AJAP1: variants seen among roughly 807,000 people sequenced by gnomAD.
AJAP1 encodes adherens junctions associated protein 1, also known as adherens junction-associated protein 1.
A neutral mutation model predicts 35.0 loss-of-function variants in AJAP1; 5 were observed. The ratio of observed to expected loss-of-function variants is 0.14; its 90% CI spans 0.07 to 0.30. The LOEUF (loss-of-function observed/expected upper bound fraction) is 0.30. Ranked by LOEUF, AJAP1 falls within the 10% of genes least tolerant of loss-of-function variation. The probability of loss-of-function intolerance (pLI) is 1.00; values close to 1 mark genes in which losing one functional copy is unlikely to be tolerated. For synonymous variants in AJAP1, 284 were observed against 249.3 expected (o/e 1.14, Z -1.31); for missense variants, 586 against 571.0 (o/e 1.03, Z -0.27).
intron 1 of AJAP1, among the ~76,000 whole-genome samples, chr1:4,670,370 T>A (rs1639225752): frequency 6.6e-6 from 1 of 152,244 alleles, no homozygotes; most frequent in Non-Finnish European, 1.5e-5. Context: ...AATCTTATTC[T>A]TGGTGCCTTT....
intron 3 of AJAP1, 96 bp downstream of exon 3, chr1:4,770,036 T>G: frequency 1.8e-6 from 2 of 1,110,884 alleles, no homozygotes; most frequent in Non-Finnish European, 2.7e-6. Context: ...AAAGCCAGCC[T>G]GTTCTGCTGG....
intron 2 of AJAP1, among the ~76,000 whole-genome samples, chr1:4,765,474 A>AGAGAGACATGAGTGTAGAAG (rs1641662898): frequency 6.7e-6 from 1 of 148,502 alleles, no homozygotes; most frequent in Non-Finnish European, 1.5e-5. Context: ...GAGAGTATTG[A>AGAGAGACATGAGTGTAGAAG]GAGAGACATG....
chr1:4,695,322 C>CA (rs1639834389), intron 1 of AJAP1, among the ~76,000 whole-genome samples: 1 of 152,188 alleles, frequency 6.6e-6, no homozygotes, highest in Admixed American at 6.5e-5. Context: ...CCTTGGTGAG[C>CA]ACACTGTGTA....
At chr1:4,739,380 A>T (rs1391624133) in intron 2 of AJAP1, among the ~76,000 whole-genome samples, 2 of 152,252 alleles carry the variant, frequency 1.3e-5, no homozygotes, top group Non-Finnish European at 2.9e-5. Flanking sequence ...AGCAATGGTC[A>T]TGCGACAGGC....
chr1:4,735,421 T>C (rs1204082986), intron 2 of AJAP1, among the ~76,000 whole-genome samples: 2 of 152,154 alleles, frequency 1.3e-5, no homozygotes, highest in African/African-American at 2.4e-5. Flanking sequence ...TTTGGGACTC[T>C]CCTGGTTGAA....
intron 2 of AJAP1, among the ~76,000 whole-genome samples, chr1:4,725,786 T>A (rs988793475): frequency 5.3e-5 from 8 of 152,164 alleles, no homozygotes; most frequent in Non-Finnish European, 7.4e-5. Flanking sequence ...TTGTAGACCC[T>A]GTCTCCTCCC....
intron 2 of AJAP1, among the ~76,000 whole-genome samples, chr1:4,721,404 C>T (rs1424348152): frequency 6.6e-6 from 1 of 152,230 alleles, no homozygotes; most frequent in East Asian, 1.9e-4. Context: ...AAAGAAGATT[C>T]CTGGTCTTCT....
chr1:4,756,722 CCTT>C (rs1295833214), intron 2 of AJAP1, among the ~76,000 whole-genome samples: 1 of 152,182 alleles, frequency 6.6e-6, no homozygotes, highest in Non-Finnish European at 1.5e-5. Context: ...GTTAAGCAAA[CCTT>C]CTGAAACAAG....
At chr1:4,683,866 A>G (rs1028692412) in intron 1 of AJAP1, among the ~76,000 whole-genome samples, 2 of 152,226 alleles carry the variant, frequency 1.3e-5, no homozygotes, top group Admixed American at 1.3e-4. Context: ...TAGACGGTCA[A>G]GAAAGCCTGA....
intron 2 of AJAP1, among the ~76,000 whole-genome samples, chr1:4,768,335 T>C (rs561393358): frequency 2.1e-5 from 3 of 145,138 alleles, no homozygotes; most frequent in Non-Finnish European, 3.1e-5. Flanking sequence ...GATGCTGTTA[T>C]TCTGTGGATC....
intron 1 of AJAP1, among the ~76,000 whole-genome samples, chr1:4,674,884 T>C (rs928762562): frequency 6.6e-6 from 1 of 152,244 alleles, no homozygotes; most frequent in East Asian, 1.9e-4. Flanking sequence ...CTGCCTCTGC[T>C]CTTCCTTTTT....
intron 2 of AJAP1, among the ~76,000 whole-genome samples, chr1:4,715,215 A>C (rs1640361819): frequency 6.6e-5 from 10 of 152,244 alleles, no homozygotes; most frequent in Admixed American, 6.5e-4. Context: ...AGGCAGCAGA[A>C]GTGGTCTTGG....
At chr1:4,688,597 A>AC (rs1312324481) in intron 1 of AJAP1, among the ~76,000 whole-genome samples, 2 of 151,800 alleles carry the variant, frequency 1.3e-5, no homozygotes, top group Non-Finnish European at 2.9e-5. Context: ...ATATGGTGAA[A>AC]CCCCATCTCT....
chr1:4,772,095 T>TAAA (rs3835206), intron 3 of AJAP1, among the ~76,000 whole-genome samples, 185 bp from the exon 4 acceptor site: 96 of 147,002 alleles, frequency 6.5e-4, no homozygotes, highest in East Asian at 5.4e-3. Context: ...TTTTTTTTTT[T>TAAA]AAAAAAAAAG....
intron 1 of AJAP1, among the ~76,000 whole-genome samples, chr1:4,674,029 T>TC (rs77073053): frequency 0.027 from 2,969 of 109,216 alleles, 82 homozygotes; most frequent in African/African-American, 0.07. Flanking sequence ...GATAGGCTTA[T>TC]CCCCCCCGCC....
intron 2 of AJAP1, among the ~76,000 whole-genome samples, chr1:4,765,162 C>T (rs1641652601): frequency 6.6e-6 from 1 of 152,172 alleles, no homozygotes; most frequent in Admixed American, 6.5e-5. Flanking sequence ...GCAAGAATTC[C>T]CACACAGCCT....
At chr1:4,729,353 C>T (rs1432066772) in intron 2 of AJAP1, among the ~76,000 whole-genome samples, 2 of 152,220 alleles carry the variant, frequency 1.3e-5, no homozygotes, top group Non-Finnish European at 2.9e-5. Context: ...CCAGTGCGGG[C>T]TGCCCTGTGA....
chr1:4,718,614 C>G (rs1318038658), intron 2 of AJAP1, among the ~76,000 whole-genome samples: 1 of 151,924 alleles, frequency 6.6e-6, no homozygotes, highest in African/African-American at 2.4e-5. Flanking sequence ...TCCTAAGTAG[C>G]TGGGACTATA....
At chr1:4,694,614 A>T (rs138633610) in intron 1 of AJAP1, among the ~76,000 whole-genome samples, 10 of 152,242 alleles carry the variant, frequency 6.6e-5, no homozygotes, top group Admixed American at 1.3e-4. Flanking sequence ...ACTGACAAGG[A>T]GATGAGCTCG....
Sources: gnomAD v4.1 joint callset for allele counts (sites outside exome capture counted in the v4.1 genomes callset) on GRCh38, gnomAD v4.1.1 for gene constraint, MANE v1.5 for transcripts, NCBI Gene and HGNC (gene_info 2026-07-23, HGNC 2026-07-21) for gene names.